Variants in DDR2 observed in about 807,000 individuals in gnomAD.
DDR2 encodes the protein discoidin domain-containing receptor 2.
In DDR2, 27 loss-of-function variants were observed where a neutral mutation model predicts 94.9. The observed-to-expected ratio is 0.28, with a 90% CI of 0.21 to 0.39. The LOEUF is 0.39. DDR2 is among the 10% of genes least tolerant of loss of function. DDR2 has a pLI of 1.00. For synonymous variants in DDR2, 382 were observed against 377.2 expected (o/e 1.01, Z -0.15); for missense variants, 783 against 1,076.0 (o/e 0.73, Z 3.81).
At chr1:162,765,160 C>A (rs1380425798) in intron 9 of DDR2, among the ~76,000 whole-genome samples, 1 of 152,140 alleles carries the variant, frequency 6.6e-6, no homozygotes, top group Non-Finnish European at 1.5e-5. Flanking sequence ...AACTGGTACA[C>A]TTATTATAGC....
intron 2 of DDR2, among the ~76,000 whole-genome samples, chr1:162,718,138 G>A (rs1571237197): frequency 6.6e-6 from 1 of 152,032 alleles, no homozygotes; most frequent in African/African-American, 2.4e-5. Context: ...TGTTTTTGAG[G>A]GGAGGAACTC....
intron 4 of DDR2, 29 bp from the exon 5 acceptor site, chr1:162,754,595 C>T (rs1558066490): frequency 1.2e-6 from 2 of 1,609,072 alleles, no homozygotes; most frequent in Admixed American, 1.7e-5. Flanking sequence ...CATGGTTGCT[C>T]CCTCTCTCCC....
chr1:162,762,623 T>C (rs956646862), intron 9 of DDR2, among the ~76,000 whole-genome samples: 5 of 152,240 alleles, frequency 3.3e-5, no homozygotes, highest in Admixed American at 6.5e-5. Flanking sequence ...TTCTTCATCA[T>C]GCACCAGTTT....
intron 2 of DDR2, among the ~76,000 whole-genome samples, chr1:162,662,507 GTCTC>G (rs1243428124): frequency 2.0e-5 from 3 of 152,072 alleles, no homozygotes; most frequent in African/African-American, 7.2e-5. Flanking sequence ...TTTGCAGTCT[GTCTC>G]TCTCTCCAGA....
chr1:162,705,900 A>C (rs1469259920), intron 2 of DDR2, among the ~76,000 whole-genome samples: 1 of 152,250 alleles, frequency 6.6e-6, no homozygotes. Flanking sequence ...AACGTTTATC[A>C]GTGCTCTCAT....
intron 3 of DDR2, among the ~76,000 whole-genome samples, chr1:162,748,681 C>T (rs2102112005): frequency 6.6e-6 from 1 of 152,352 alleles, no homozygotes; most frequent in South Asian, 2.1e-4. Flanking sequence ...GAACTCTCCA[C>T]TACAAATCAG....
intron 2 of DDR2, among the ~76,000 whole-genome samples, chr1:162,681,873 G>C (rs1404865989): frequency 6.6e-6 from 1 of 152,152 alleles, no homozygotes; most frequent in African/African-American, 2.4e-5. Context: ...GCACAGGAAG[G>C]TTCACAGCAG....
chr1:162,635,844 A>G (rs1458885108), intron 1 of DDR2, among the ~76,000 whole-genome samples: 3 of 152,248 alleles, frequency 2.0e-5, no homozygotes, highest in Non-Finnish European at 2.9e-5. Context: ...GTGAAACAGA[A>G]TTAAGTACCT....
rs770733296 is a variant in DDR2 at position 162,775,812 on chromosome 1, A to T, written c.2017A>T (p.Asn673Tyr). ...NQFLSRHEPP[N>Y]SSSSDVRTVS... The stretch of plus-strand genomic sequence containing the variant: ...GTTTCTTTCCCGCCACGAGCCCCCT[A>T]ATTCTTCCTCCAGCGATGTACGCAC... Residue 673 changes from asparagine (N) to tyrosine (Y), a missense_variant, in exon 15 of 18, where the codon AAT (asparagine) becomes TAT (tyrosine). Asn to Tyr is a moderately radical substitution (Grantham distance 143). Around this residue, in one of 2 missense-constraint regions of DDR2, gnomAD observed 264 missense variants for 428.2 expected, o/e 0.62. Transcript: ENST00000367921. The T allele has an allele frequency of 9.9e-6, 16 of 1,614,014 alleles. No homozygotes were observed. Among genetic ancestry groups the T allele is most frequent in the Non-Finnish European group, 1.3e-5 (15 of 1,179,998 alleles).
At chr1:162,636,076 A>G (rs144270050) in intron 1 of DDR2, among the ~76,000 whole-genome samples, 91 of 152,286 alleles carry the variant, frequency 6.0e-4, no homozygotes, top group African/African-American at 2.1e-3. Context: ...TTATATTTGT[A>G]TATGTTTAAA....
At chr1:162,656,616 A>G (rs1002649578) in intron 2 of DDR2, among the ~76,000 whole-genome samples, 1 of 149,112 alleles carries the variant, frequency 6.7e-6, no homozygotes, top group Non-Finnish European at 1.5e-5. Context: ...CTTCCTTATG[A>G]TAGACTCTTG....
chr1:162,637,377 C>T (rs1158962637), intron 1 of DDR2, among the ~76,000 whole-genome samples: 2 of 151,796 alleles, frequency 1.3e-5, no homozygotes, highest in Non-Finnish European at 2.9e-5. Context: ...AAATAGGACC[C>T]CAAATTTTAT....
chr1:162,721,074 A>G (rs996557895), intron 3 of DDR2, among the ~76,000 whole-genome samples: 14 of 152,104 alleles, frequency 9.2e-5, no homozygotes, highest in Admixed American at 1.3e-4. Context: ...CCTCTCAATC[A>G]ATTGTTGATG....
chr1:162,754,809 G>A lies in DDR2; in HGVS notation c.371G>A (p.Arg124Gln), dbSNP rs2102134624. 2 of 1,614,010 alleles carry A rather than the reference G, an allele frequency of 1.2e-6. No homozygotes were observed. The highest frequency in any genetic ancestry group is 1.7e-6 in the Non-Finnish European group (2 of 1,179,986). The stretch of plus-strand genomic sequence containing the variant: ...CCCATGTACAAGATCAATTACAGTC[G>A]GGATGGCACTCGCTGGATCTCTTGG... ...FAPMYKINYS[R>Q]DGTRWISWRN... is the part of the protein sequence containing the mutation. Residue 124 changes from arginine to glutamine, a missense_variant, in exon 5 of 18, where the codon CGG (arginine) becomes CAG (glutamine). This residue lies in a region of DDR2 where 519 missense variants were observed against 647.9 expected (regional missense o/e 0.80). Coordinates refer to ENST00000367921, the MANE Select transcript of DDR2 (RefSeq NM_006182.4).
intron 4 of DDR2, among the ~76,000 whole-genome samples, 157 bp downstream of exon 4, chr1:162,753,354 G>A (rs1663305806): frequency 6.6e-6 from 1 of 152,204 alleles, no homozygotes; most frequent in South Asian, 2.1e-4. Context: ...TGCTCTGTAT[G>A]TTTTCAGGGA....
intron 3 of DDR2, among the ~76,000 whole-genome samples, chr1:162,730,564 T>C (rs1187115561): frequency 6.6e-6 from 1 of 152,226 alleles, no homozygotes; most frequent in East Asian, 1.9e-4. Context: ...TATTGCTAAC[T>C]TGAGAAATGT....
intron 1 of DDR2, among the ~76,000 whole-genome samples, chr1:162,636,259 G>A (rs566592809): frequency 7.9e-5 from 12 of 152,214 alleles, no homozygotes; most frequent in Admixed American, 2.0e-4. Flanking sequence ...AAATGCTGAA[G>A]AAGGTCAGTT....
chr1:162,658,845 T>TAAATAAATAAATAAATAAATAAAA (rs1325431879), intron 2 of DDR2, among the ~76,000 whole-genome samples: 13 of 150,694 alleles, frequency 8.6e-5, no homozygotes, highest in Admixed American at 8.6e-4. Context: ...AATAAATAAA[T>TAAATAAATAAATAAATAAATAAAA]AAATAAAAGT....
At chr1:162,715,754 G>A (rs73024566) in intron 2 of DDR2, among the ~76,000 whole-genome samples, 247 of 152,278 alleles carry the variant, frequency 1.6e-3, no homozygotes, top group African/African-American at 5.6e-3. Context: ...ACCTCATTGA[G>A]TTACTGTGAA....
Sources: gnomAD v4.1 joint callset for allele counts (sites outside exome capture counted in the v4.1 genomes callset) on GRCh38, gnomAD v4.1.1 for gene constraint, gnomAD v4.1.1 regional missense constraint, MANE v1.5 for transcripts, NCBI Gene and HGNC (gene_info 2026-07-23, HGNC 2026-07-21) for gene names.